CFAP47: variants seen among roughly 807,000 people sequenced by gnomAD.
CFAP47 encodes the protein cilia- and flagella-associated protein 47.
CFAP47 carries 29 observed loss-of-function variants against 148.1 expected under a neutral mutation model. The observed-to-expected ratio is 0.20, with a 90% CI of 0.15 to 0.27. The LOEUF (loss-of-function observed/expected upper bound fraction) is 0.27, where lower values mean the gene tolerates loss of function less well. CFAP47 is among the 10% of genes least tolerant of loss of function. CFAP47 has a pLI of 1.00. For missense variants in CFAP47, 1,872 were observed against 1,697.5 expected (o/e 1.10, Z -1.81); for synonymous variants, 664 against 577.3 (o/e 1.15, Z -2.15).
chrX:35,938,058 G>T (rs1026543749), intron 2 of CFAP47, among the ~76,000 whole-genome samples: 4 of 111,342 alleles, frequency 3.6e-5, no homozygotes, highest in African/African-American at 1.3e-4. Context: ...TTGAACACTT[G>T]TAAAGAGGTA....
chrX:36,119,294 T>C (rs1340226254), intron 33 of CFAP47, among the ~76,000 whole-genome samples: 1 of 112,288 alleles, frequency 8.9e-6, no homozygotes, highest in Non-Finnish European at 1.9e-5. Flanking sequence ...TTTTATCAAA[T>C]GCTTTTTCAG....
At chrX:36,205,330 G>A in intron 45 of CFAP47, among the ~76,000 whole-genome samples, 1 of 111,830 alleles carries the variant, frequency 8.9e-6, no homozygotes, top group Non-Finnish European at 1.9e-5. Flanking sequence ...CTGAATTTGG[G>A]TGCTAAATTA....
chrX:36,243,687 A>T (rs1051402112), intron 48 of CFAP47, among the ~76,000 whole-genome samples: 2 of 82,195 alleles, frequency 2.4e-5, no homozygotes, highest in South Asian at 6.8e-4. Flanking sequence ...ATATATATAT[A>T]TTCAATATTC....
chrX:36,019,556 T>C (rs1465203289), intron 22 of CFAP47, among the ~76,000 whole-genome samples: 1 of 111,902 alleles, frequency 8.9e-6, no homozygotes, highest in Non-Finnish European at 1.9e-5. Context: ...AATGTGAAGC[T>C]ATGCAAACTC....
At chrX:35,991,657 A>G (rs1332565965) in intron 16 of CFAP47, among the ~76,000 whole-genome samples, 164 bp from the exon 17 acceptor site, 6 of 111,186 alleles carry the variant, frequency 5.4e-5, no homozygotes, top group Admixed American at 9.6e-5. Context: ...AACATACTGA[A>G]TAAAGAATAT....
At chrX:36,066,318 G>T (rs987017065) in intron 27 of CFAP47, among the ~76,000 whole-genome samples, 15 of 60,346 alleles carry the variant, frequency 2.5e-4, no homozygotes, top group African/African-American at 9.6e-4. Flanking sequence ...AATTTTCAGT[G>T]CTGAATTAGA....
intron 49 of CFAP47, among the ~76,000 whole-genome samples, chrX:36,255,798 A>G (rs1477447383): frequency 8.9e-6 from 1 of 111,746 alleles, no homozygotes; most frequent in East Asian, 2.8e-4. Flanking sequence ...TGTGAGGGGG[A>G]AGTAATCAGA....
intron 15 of CFAP47, among the ~76,000 whole-genome samples, chrX:35,979,702 A>G (rs1432870502): frequency 9.0e-6 from 1 of 111,695 alleles, no homozygotes; most frequent in Non-Finnish European, 1.9e-5. Context: ...AGTGGCTTAG[A>G]GGTCTTATTT....
chrX:35,989,705 G>A, intron 16 of CFAP47: 1 of 701,230 alleles, frequency 1.4e-6, no homozygotes. Context: ...TGTGAGTAGA[G>A]GGAAAGCTGT....
Position 35,920,053 on chromosome X carries a change from C to T in CFAP47, c.249+5C>T. 8.5e-7 allele frequency: 1 copy of T among 1,181,267 alleles called. No individual in the cohort carries two copies. ...AAGGAGCCCGTCAAGCCACAGGTGA[C>T]ACACTAAGGGGTGCTGGGAGCGGGA... On this transcript the variant is annotated splice_donor_5th_base_variant and intron_variant, in intron 1 of 63. Coordinates refer to ENST00000378653, the MANE Select transcript of CFAP47 (RefSeq NM_001304548.2).
chrX:36,108,998 A>G (rs1247618307), intron 33 of CFAP47, among the ~76,000 whole-genome samples: 1 of 109,831 alleles, frequency 9.1e-6, no homozygotes, highest in South Asian at 4.0e-4. Flanking sequence ...GTTCCCCTCT[A>G]TGTGTCCATG....
intron 27 of CFAP47, among the ~76,000 whole-genome samples, chrX:36,069,779 C>A (rs1205889728): frequency 1.8e-5 from 2 of 111,166 alleles, no homozygotes; most frequent in Non-Finnish European, 3.8e-5. Context: ...AGCTCCCACA[C>A]ACTTTGGTAG....
In CFAP47 at chrX:36,036,292, A is replaced by T. The variant is rs915966014; in HGVS notation, c.3811+438A>T. The stretch of plus-strand genomic sequence containing the variant: ...ACTTTTTAGATTTCATATGAGTGAG[A>T]TTATACAGTAATTGTCTTTCAGTGT... On this transcript the variant is annotated intron_variant, in intron 24 of 63. Coordinates refer to ENST00000378653, the MANE Select transcript of CFAP47 (RefSeq NM_001304548.2). Among the ~76,000 whole-genome samples, 3 of 110,964 alleles carry T rather than the reference A, an allele frequency of 2.7e-5. No homozygotes were observed. The Admixed American group carries it at 2.9e-4, about 11-fold the overall frequency.
chrX:36,035,753 A>G lies in CFAP47; in HGVS notation c.3710A>G (p.Asn1237Ser). Residue 1237 changes from asparagine to serine, a missense_variant, in exon 24 of 64, where the codon AAT becomes AGT. By Grantham distance (46) the Asn-to-Ser change is conservative (BLOSUM62 1). Transcript: ENST00000378653. The stretch of plus-strand genomic sequence containing the variant: ...GTGACATGGACTTTGGATCTTAGTA[A>G]TACTGGCAAACTTTTCAAAGACGGC... ...HHVTWTLDLS[N>S]TGKLFKDGTF... 1 of 296,536 alleles carries G rather than the reference A, an allele frequency of 3.4e-6. No individual in the cohort carries two copies. 24.4% of individuals were successfully genotyped at this position (296,536 alleles called of 1,213,427 possible).
chrX:36,229,263 C>CT (rs35644577), intron 46 of CFAP47, among the ~76,000 whole-genome samples: 1 of 111,609 alleles, frequency 9.0e-6, no homozygotes, highest in Non-Finnish European at 1.9e-5. Flanking sequence ...AGAACTTTGG[C>CT]TTTTTAGAGG....
At chrX:36,187,449 T>C (rs1312493827) in intron 40 of CFAP47, among the ~76,000 whole-genome samples, 2 of 111,949 alleles carry the variant, frequency 1.8e-5, no homozygotes, top group African/African-American at 6.5e-5. Context: ...GGAAATTATC[T>C]GTATATTTTA....
chrX:35,998,800 A>C (rs931976923), intron 19 of CFAP47, among the ~76,000 whole-genome samples: 1 of 111,669 alleles, frequency 9.0e-6, no homozygotes, highest in Admixed American at 9.5e-5. Context: ...TGTTTTTTGC[A>C]TTACTATGGC....
intron 22 of CFAP47, among the ~76,000 whole-genome samples, chrX:36,019,626 C>T (rs944732109): frequency 9.0e-6 from 1 of 111,492 alleles, no homozygotes; most frequent in Non-Finnish European, 1.9e-5. Context: ...TTTTTCCCAC[C>T]CGCCTGACTG....
In CFAP47 at chrX:36,304,446, T is replaced by C. The variant is rs183838891; in HGVS notation, c.8082+486T>C. ...ATACTTCTCCCCTTGAATTTTAATT[T>C]ATCTACAAAACAATATCATGTTAAT... On this transcript the variant is annotated intron_variant, in intron 54 of 63. Coordinates refer to ENST00000378653, the MANE Select transcript of CFAP47 (RefSeq NM_001304548.2). Among the ~76,000 whole-genome samples, 8 of 111,440 alleles carry C rather than the reference T, an allele frequency of 7.2e-5. No homozygotes were observed. In the East Asian group the frequency reaches 1.7e-3, roughly 23 times the overall value.
Sources: allele counts gnomAD v4.1 joint callset (sites outside exome capture counted in the v4.1 genomes callset), GRCh38; gene constraint gnomAD v4.1.1; transcripts MANE v1.5; gene names NCBI Gene and HGNC (gene_info 2026-07-23, HGNC 2026-07-21).